Variants in WWOX observed in about 807,000 individuals in gnomAD.
WWOX encodes the protein WW domain-containing oxidoreductase.
Under a neutral mutation model 46.2 loss-of-function variants are expected in WWOX, and 69 were observed. That is an observed-to-expected ratio of 1.49 (90% CI 1.23 to 1.82). WWOX has a LOEUF of 1.82. WWOX is among the 40% of genes most tolerant of loss of function. WWOX has a pLI of 0.00. For synonymous variants in WWOX, 359 were observed against 202.6 expected, an observed-to-expected ratio of 1.77 and a Z score of -6.56; for missense variants, 919 against 542.6, an observed-to-expected ratio of 1.69 and a Z score of -6.89.
chr16:78,967,611 A>G (rs76619432), intron 8 of WWOX, among the ~76,000 whole-genome samples: 1 of 151,612 alleles, frequency 6.6e-6, no homozygotes, highest in African/African-American at 2.4e-5. Flanking sequence ...AATACCCCCT[A>G]TGTAGACTTT....
At chr16:78,452,969 C>G (rs184343835) in intron 8 of WWOX, among the ~76,000 whole-genome samples, 3 of 149,656 alleles carry the variant, frequency 2.0e-5, no homozygotes. Flanking sequence ...TGAGCCTCAA[C>G]CTTCTTGGCC....
intron 8 of WWOX, among the ~76,000 whole-genome samples, chr16:78,832,657 A>C (rs1182488849): frequency 1.3e-5 from 2 of 152,088 alleles, no homozygotes; most frequent in Non-Finnish European, 2.9e-5. Context: ...TCATCCTGCT[A>C]GTGTGAATCC....
chr16:78,770,614 C>G (rs771623369), intron 8 of WWOX, among the ~76,000 whole-genome samples: 18 of 152,190 alleles, frequency 1.2e-4, no homozygotes, highest in South Asian at 4.1e-4. Context: ...AAGGAAGTCT[C>G]TGGAAATCAG....
Position 78,164,195 on chromosome 16 carries a change from C to G in WWOX, c.422C>G (p.Ala141Gly), listed in dbSNP as rs990349398. 6.2e-7 allele frequency: 1 copy of G among 1,614,032 alleles called. No individual in the cohort carries two copies. Among genetic ancestry groups the G allele is most frequent in the Non-Finnish European group, 8.5e-7 (1 of 1,180,016 alleles). The change falls in exon 5 of 9, where the codon GCC becomes GGC. Residue 141 changes from alanine (A) to glycine (G), a missense_variant. By Grantham distance (60) the Ala-to-Gly change is moderately conservative. Coordinates refer to ENST00000566780, the MANE Select transcript of WWOX (RefSeq NM_016373.4). Reference sequence around the variant, plus strand: ...CTTTAAACCATAGGGTTCGAAACCGCCAAGTCTTTTGCCCTCCATGGTGCA... The same window carrying G: ...CTTTAAACCATAGGGTTCGAAACCGGCAAGTCTTTTGCCCTCCATGGTGCA... ...GANSGIGFET[A>G]KSFALHGAHV...
intron 8 of WWOX, among the ~76,000 whole-genome samples, chr16:79,000,937 G>A (rs1414567261): frequency 6.6e-6 from 1 of 152,148 alleles, no homozygotes; most frequent in Non-Finnish European, 1.5e-5. Flanking sequence ...CACTGGACGT[G>A]GGCAGGAATA....
At chr16:79,051,972 C>A (rs897279665) in intron 8 of WWOX, among the ~76,000 whole-genome samples, 1 of 152,148 alleles carries the variant, frequency 6.6e-6, no homozygotes, top group Non-Finnish European at 1.5e-5. Context: ...TCTCAGCATT[C>A]CACAAGTTAC....
chr16:79,062,331 A>T (rs1270082620), intron 8 of WWOX, among the ~76,000 whole-genome samples: 1 of 152,188 alleles, frequency 6.6e-6, no homozygotes, highest in Non-Finnish European at 1.5e-5. Context: ...AATTATCTTC[A>T]GTTGGATGGA....
intron 6 of WWOX, among the ~76,000 whole-genome samples, chr16:78,415,973 G>A (rs986116482): frequency 4.6e-5 from 7 of 152,180 alleles, no homozygotes; most frequent in Non-Finnish European, 8.8e-5. Flanking sequence ...GAAAGGTGGA[G>A]GGGCTTTATC....
chr16:78,749,262 T>A (rs1215577666), intron 8 of WWOX, among the ~76,000 whole-genome samples: 1 of 151,950 alleles, frequency 6.6e-6, no homozygotes, highest in African/African-American at 2.4e-5. Flanking sequence ...ATTTTACAAA[T>A]GAGGAAACAG....
At chr16:78,204,250 T>C (rs1019407978) in intron 5 of WWOX, among the ~76,000 whole-genome samples, 3 of 152,208 alleles carry the variant, frequency 2.0e-5, no homozygotes, top group Admixed American at 6.5e-5. Flanking sequence ...CCCTAATCTC[T>C]TTTTAAAATT....
rs1414357070 is a variant in WWOX at position 79,026,249 on chromosome 16, T to C, written c.1057-185359T>C. Among the ~76,000 whole-genome samples the C allele has an allele frequency of 2.6e-5, 4 of 151,762 alleles. 1 individual carries two copies. The highest frequency in any genetic ancestry group is 9.7e-5 in the African/African-American group (4 of 41,042). On this transcript the variant is annotated intron_variant, in intron 8 of 8. Coordinates refer to ENST00000566780, the MANE Select transcript of WWOX (RefSeq NM_016373.4). ...CTGTTGACACTTCCCTTCTCTGTGC[T>C]TTAGTCACCCTACCCTCGGTCAACT...
intron 5 of WWOX, among the ~76,000 whole-genome samples, chr16:78,354,465 GA>G (rs1354394517): frequency 1.3e-5 from 2 of 152,054 alleles, no homozygotes. Context: ...GTTTAATTTT[GA>G]TGCTGGTTTT....
intron 8 of WWOX, among the ~76,000 whole-genome samples, chr16:78,922,384 T>TTC (rs1249122584): frequency 6.6e-6 from 1 of 151,720 alleles, no homozygotes; most frequent in African/African-American, 2.4e-5. Flanking sequence ...TCAGTGATTT[T>TTC]TTTTTTTTTT....
rs371357174 is a variant in WWOX, at chr16:78,469,720, G to T, written c.1056+36968G>T. 2.1e-3 allele frequency among the ~76,000 whole-genome samples: 326 copies of T among 152,098 alleles called. 1 individual carries two copies. The highest frequency in any genetic ancestry group is 2.4e-3 in the Non-Finnish European group (164 of 67,986). On this transcript the variant is annotated intron_variant, in intron 8 of 8. Transcript: ENST00000566780. Reference sequence around the variant, plus strand: ...ACAACCAGGCTGGGCCATGGGTTGTGTTTTTTTTCCTCTCATTTTATAGAA... The same window carrying T: ...ACAACCAGGCTGGGCCATGGGTTGTTTTTTTTTTCCTCTCATTTTATAGAA...
At chr16:78,422,385 G>A (rs956639738) in intron 6 of WWOX, among the ~76,000 whole-genome samples, 8 of 151,510 alleles carry the variant, frequency 5.3e-5, no homozygotes, top group Admixed American at 4.6e-4. Context: ...ACAGAGTCTT[G>A]CTCTGATGCC....
chr16:78,123,445 TTTTTTTTTTGTTTTTTTTTTTTG>T (rs1398719785), intron 4 of WWOX: 10 of 51,480 alleles, frequency 1.9e-4, no homozygotes, highest in African/African-American at 7.4e-4. Flanking sequence ...GTTTTGTTTT[TTTTTTTTTTGTTTTTTTTTTTTG>T]TTTTTTTGAG....
At chr16:78,199,174 A>G (rs909494444) in intron 5 of WWOX, among the ~76,000 whole-genome samples, 2 of 152,044 alleles carry the variant, frequency 1.3e-5, no homozygotes, top group African/African-American at 2.4e-5. Flanking sequence ...TTAGCCGGGC[A>G]TGGTGGCACG....
intron 8 of WWOX, among the ~76,000 whole-genome samples, chr16:78,505,069 C>A (rs561077725): frequency 6.6e-6 from 1 of 152,152 alleles, no homozygotes; most frequent in East Asian, 1.9e-4. Context: ...ATTATTGTTC[C>A]TGAATTTTTC....
intron 5 of WWOX, chr16:78,264,973 C>G (rs1424211264): frequency 1.5e-5 from 2 of 134,932 alleles, no homozygotes; most frequent in African/African-American, 5.5e-5. Flanking sequence ...CCCCTCCCCT[C>G]CCTTCCCTTC....
Sources: gnomAD v4.1 joint callset for allele counts (sites outside exome capture counted in the v4.1 genomes callset) on GRCh38, gnomAD v4.1.1 for gene constraint, MANE v1.5 for transcripts, NCBI Gene and HGNC (gene_info 2026-07-23, HGNC 2026-07-21) for gene names.